The following AFAP1 variants were observed in gnomAD, a reference collection of about 807,000 sequenced individuals.
AFAP1 encodes the protein actin filament associated protein 1.
A neutral mutation model predicts 93.9 loss-of-function variants in AFAP1; 75 were observed. The observed-to-expected ratio is 0.80, with a 90% CI of 0.66 to 0.97. The LOEUF (loss-of-function observed/expected upper bound fraction) is 0.97, where lower values mean the gene tolerates loss of function less well. Ranked by LOEUF, AFAP1 falls within the 50% of genes least tolerant of loss-of-function variation. The pLI, the probability that AFAP1 is intolerant of heterozygous loss-of-function variation, is 0.00. For missense variants in AFAP1, 1,201 were observed against 1,050.8 expected (o/e 1.14, Z -1.98); for synonymous variants, 517 against 430.7 (o/e 1.20, Z -2.48).
chr4:7,894,170 G>A (rs1718635333), intron 1 of AFAP1, among the ~76,000 whole-genome samples: 1 of 152,146 alleles, frequency 6.6e-6, no homozygotes, highest in Non-Finnish European at 1.5e-5. Flanking sequence ...CACAGCAGGG[G>A]AGACTGCAGC....
chr4:7,778,572 GCAGT>G (rs1166923329), intron 14 of AFAP1, 186 bp downstream of exon 14: 1 of 631,164 alleles, frequency 1.6e-6, no homozygotes, highest in Admixed American at 2.6e-5. Context: ...CAATTTACAA[GCAGT>G]CAGAAAAGCT....
At chr4:7,860,630 T>C (rs1430192573) in intron 3 of AFAP1, among the ~76,000 whole-genome samples, 1 of 152,134 alleles carries the variant, frequency 6.6e-6, no homozygotes, top group East Asian at 1.9e-4. Flanking sequence ...GGGCTGGACA[T>C]GCTTATCCAC....
intron 1 of AFAP1, among the ~76,000 whole-genome samples, chr4:7,907,269 C>CCTG (rs1719466861): frequency 6.6e-6 from 1 of 152,090 alleles, no homozygotes; most frequent in African/African-American, 2.4e-5. Context: ...ACAGCTAAAC[C>CCTG]ACTGCTTCTC....
rs188940858 is a variant in AFAP1 at position 7,817,025 on chromosome 4, C to T, written c.823-926G>A. On this transcript the variant is annotated intron_variant, in intron 7 of 17. Transcript: ENST00000420658. ...GGCAACAGGTCCAGCCAGGTGCTCA[C>T]GGTACTGCCTTAGAAACCAACATAA... Among the ~76,000 whole-genome samples the T allele has an allele frequency of 5.3e-5, 8 of 152,264 alleles. No individual in the cohort carries two copies. In the East Asian group the frequency reaches 7.7e-4, roughly 15 times the overall value.
chr4:7,792,592 A>C (rs1259603050), intron 11 of AFAP1, among the ~76,000 whole-genome samples: 1 of 151,916 alleles, frequency 6.6e-6, no homozygotes, highest in East Asian at 1.9e-4. Flanking sequence ...GTTGCTTTTT[A>C]AAGTAAAAAT....
At chr4:7,914,043 C>A (rs1425341121) in intron 1 of AFAP1, among the ~76,000 whole-genome samples, 2 of 151,712 alleles carry the variant, frequency 1.3e-5, no homozygotes, top group Admixed American at 1.3e-4. Flanking sequence ...CTTCAAGTAT[C>A]TGGAACTATA....
At chr4:7,800,174 A>G (rs1432723788) in intron 10 of AFAP1, among the ~76,000 whole-genome samples, 3 of 152,258 alleles carry the variant, frequency 2.0e-5, no homozygotes, top group African/African-American at 7.2e-5. Context: ...AGGAACTCAG[A>G]CAAGGAGGCA....
intron 6 of AFAP1, among the ~76,000 whole-genome samples, chr4:7,827,569 C>CAAAAAAAAAAAAAAA (rs58075483): frequency 0.019 from 1,015 of 52,214 alleles, 130 homozygotes; most frequent in Non-Finnish European, 0.028. Flanking sequence ...ACTCTGTCTC[C>CAAAAAAAAAAAAAAA]AAAAAAAAAA....
intron 1 of AFAP1, among the ~76,000 whole-genome samples, chr4:7,906,909 G>A (rs1171698092): frequency 1.3e-5 from 2 of 151,716 alleles, no homozygotes; most frequent in Non-Finnish European, 2.9e-5. Context: ...GGCTGAGGAG[G>A]AAGAACCGCT....
intron 5 of AFAP1, chr4:7,842,620 G>A (rs976176181): frequency 6.5e-6 from 1 of 153,254 alleles, no homozygotes; most frequent in African/African-American, 2.4e-5. Context: ...CCCACAGCAA[G>A]GTCCAGGTTC....
chr4:7,845,481 G>A (rs1320179254), intron 4 of AFAP1, among the ~76,000 whole-genome samples: 2 of 152,098 alleles, frequency 1.3e-5, no homozygotes, highest in Non-Finnish European at 2.9e-5. Context: ...AGATTGAAGA[G>A]GTAACTTTGG....
chr4:7,863,322 G>A (rs1715963224), intron 3 of AFAP1, among the ~76,000 whole-genome samples: 1 of 152,142 alleles, frequency 6.6e-6, no homozygotes, highest in Admixed American at 6.5e-5. Flanking sequence ...GGGAGGGTGA[G>A]GTGGGAAAAT....
intron 1 of AFAP1, among the ~76,000 whole-genome samples, chr4:7,891,770 C>T (rs899400709): frequency 4.9e-5 from 7 of 141,568 alleles, no homozygotes; most frequent in African/African-American, 1.8e-4. Context: ...AAAAAAAGGC[C>T]GGGCGTGGTG....
chr4:7,781,165 A>C (rs1716725079), intron 13 of AFAP1, among the ~76,000 whole-genome samples: 1 of 152,258 alleles, frequency 6.6e-6, no homozygotes, highest in Admixed American at 6.5e-5. Context: ...GATGTGGGCA[A>C]AGAAACACAG....
chr4:7,838,933 T>C (rs1247820626), intron 5 of AFAP1, among the ~76,000 whole-genome samples: 1 of 152,078 alleles, frequency 6.6e-6, no homozygotes, highest in African/African-American at 2.4e-5. Flanking sequence ...TCAGAAAAAC[T>C]TACTGAGCAT....
intron 4 of AFAP1, among the ~76,000 whole-genome samples, chr4:7,845,247 A>T (rs1021526613): frequency 6.6e-6 from 1 of 151,930 alleles, no homozygotes; most frequent in Non-Finnish European, 1.5e-5. Flanking sequence ...ACATAGCGAG[A>T]CCCTATCTCT....
intron 1 of AFAP1, among the ~76,000 whole-genome samples, chr4:7,919,400 T>G (rs1720310820): frequency 6.6e-6 from 1 of 152,160 alleles, no homozygotes; most frequent in South Asian, 2.1e-4. Context: ...GGGGCTATTT[T>G]TGTGGTGTGT....
intron 10 of AFAP1, among the ~76,000 whole-genome samples, chr4:7,795,116 G>A (rs975973432): frequency 2.6e-5 from 4 of 152,130 alleles, no homozygotes; most frequent in South Asian, 2.1e-4. Context: ...AATATTCCAT[G>A]CAATGTATAA....
At chr4:7,795,405 C>CTTTTTTTTT (rs35550085) in intron 10 of AFAP1, among the ~76,000 whole-genome samples, 1 of 62,100 alleles carries the variant, frequency 1.6e-5, no homozygotes. Flanking sequence ...AAAACAAAAT[C>CTTTTTTTTT]TTTTTTTTTT....
Sources: allele counts gnomAD v4.1 joint callset (sites outside exome capture counted in the v4.1 genomes callset), GRCh38; gene constraint gnomAD v4.1.1; transcripts MANE v1.5; gene names NCBI Gene and HGNC (gene_info 2026-07-23, HGNC 2026-07-21).